The following ADAMTSL1 variants were observed in gnomAD, a reference collection of about 807,000 sequenced individuals.
ADAMTSL1 encodes the protein ADAMTS-like protein 1.
In ADAMTSL1, 126 loss-of-function variants were observed where a neutral mutation model predicts 201.8. That is an observed-to-expected ratio of 0.62 (90% CI 0.54 to 0.72). ADAMTSL1 has a LOEUF of 0.72. ADAMTSL1 is among the 30% of genes least tolerant of loss of function. ADAMTSL1 has a pLI of 0.00. For synonymous variants in ADAMTSL1, 1,121 were observed against 903.4 expected (o/e 1.24, Z -4.32); for missense variants, 2,679 against 2,277.8 (o/e 1.18, Z -3.59).
chr9:18,178,967 C>T (rs569286844), intron 2 of ADAMTSL1, among the ~76,000 whole-genome samples: 216 of 151,854 alleles, frequency 1.4e-3, no homozygotes, highest in African/African-American at 4.3e-3. Flanking sequence ...AAAAGCAGAG[C>T]GCCTCTCCTC....
chr9:18,035,062 C>G (rs573223013), intron 1 of ADAMTSL1, among the ~76,000 whole-genome samples: 2 of 152,186 alleles, frequency 1.3e-5, no homozygotes, highest in South Asian at 2.1e-4. Context: ...AGGACTTTTT[C>G]TATAAGAAGT....
chr9:18,255,355 GA>G (rs5896780), intron 2 of ADAMTSL1, among the ~76,000 whole-genome samples: 125 of 145,484 alleles, frequency 8.6e-4, no homozygotes, highest in South Asian at 4.1e-3. Context: ...CTCATACTTA[GA>G]AAAAAAAAAA....
rs577285114 is a variant in ADAMTSL1, at chr9:18,513,213, T to TG, written c.191+8258dup. 3.0e-3 allele frequency among the ~76,000 whole-genome samples: 453 copies of TG among 152,288 alleles called. 3 individuals are homozygous for TG. Among genetic ancestry groups the TG allele is most frequent in the Middle Eastern group, 6.8e-3 (2 of 294 alleles). On this transcript the variant is annotated intron_variant, in intron 2 of 28. Coordinates refer to ENST00000380548, the MANE Select transcript of ADAMTSL1 (RefSeq NM_001040272.6). Reference sequence around the variant, plus strand: ...AAATTTGAAGTGTTCTATACAGTATTGTTAACTACACCAGCAGTGCTGTGC... The same window carrying TG: ...AAATTTGAAGTGTTCTATACAGTATTGGTTAACTACACCAGCAGTGCTGTGC...
rs1333663453 is a variant in ADAMTSL1 at position 18,222,852 on chromosome 9, A to C, written c.207+58871A>C. 5.3e-5 allele frequency among the ~76,000 whole-genome samples: 8 copies of C among 151,892 alleles called. No homozygotes were observed. In the East Asian group the frequency reaches 1.2e-3, roughly 22 times the overall value. Reference sequence around the variant, plus strand: ...GGTAGACAATTCCAGGTTGATATTTATTTTATATTTTTACTTTCCAGACAT... The same window carrying C: ...GGTAGACAATTCCAGGTTGATATTTCTTTTATATTTTTACTTTCCAGACAT... On this transcript the variant is annotated intron_variant, in intron 2 of 29. Coordinates refer to the ADAMTSL1 transcript ENST00000680146.
At chr9:18,488,617 C>T (rs60561389) in intron 1 of ADAMTSL1, among the ~76,000 whole-genome samples, 2 of 152,090 alleles carry the variant, frequency 1.3e-5, no homozygotes, top group Non-Finnish European at 2.9e-5. Context: ...TGGCATGTAC[C>T]TCAAAGGATC....
At chr9:18,304,341 A>G (rs925365833) in intron 2 of ADAMTSL1, among the ~76,000 whole-genome samples, 3 of 121,900 alleles carry the variant, frequency 2.5e-5, no homozygotes, top group Admixed American at 1.5e-4. Flanking sequence ...TAGAGTTTTG[A>G]AAAAAAAAAT....
At chr9:18,653,846 T>G (rs1276770430) in intron 7 of ADAMTSL1, among the ~76,000 whole-genome samples, 1 of 152,252 alleles carries the variant, frequency 6.6e-6, no homozygotes, top group Admixed American at 6.5e-5. Context: ...CAACTGAATC[T>G]GTTTCATTCC....
chr9:18,455,342 A>C (rs1285517736), intron 2 of ADAMTSL1, among the ~76,000 whole-genome samples: 1 of 152,168 alleles, frequency 6.6e-6, no homozygotes, highest in East Asian at 1.9e-4. Context: ...AGAAATACAA[A>C]CAAAAACCAT....
intron 2 of ADAMTSL1, among the ~76,000 whole-genome samples, chr9:18,381,176 C>T (rs1175642513): frequency 6.6e-6 from 1 of 152,184 alleles, no homozygotes; most frequent in Non-Finnish European, 1.5e-5. Context: ...TTACATTGGA[C>T]TTTCCCTTTA....
intron 1 of ADAMTSL1, among the ~76,000 whole-genome samples, chr9:17,934,724 C>T (rs189918714): frequency 6.6e-6 from 1 of 152,070 alleles, no homozygotes; most frequent in East Asian, 1.9e-4. Flanking sequence ...TCAAATTTTC[C>T]CCACCTACCT....
At chr9:18,634,875 T>TA (rs1827008093) in intron 5 of ADAMTSL1, among the ~76,000 whole-genome samples, 1 of 123,954 alleles carries the variant, frequency 8.1e-6, no homozygotes, top group Non-Finnish European at 1.7e-5. Flanking sequence ...ATATATATAT[T>TA]TATATATATA....
intron 19 of ADAMTSL1, among the ~76,000 whole-genome samples, chr9:18,788,449 T>G (rs1473095127): frequency 1.3e-5 from 2 of 150,974 alleles, no homozygotes; most frequent in Non-Finnish European, 2.9e-5. Flanking sequence ...CCCGGTAGAT[T>G]CCTGGATGCT....
chr9:18,240,218 G>A (rs1171139655), intron 2 of ADAMTSL1, among the ~76,000 whole-genome samples: 3 of 152,096 alleles, frequency 2.0e-5, no homozygotes, highest in African/African-American at 7.2e-5. Context: ...TCCTTAATCC[G>A]TGGGCTACAG....
intron 19 of ADAMTSL1, among the ~76,000 whole-genome samples, chr9:18,794,277 T>C (rs1822231244): frequency 6.6e-6 from 1 of 151,926 alleles, no homozygotes; most frequent in South Asian, 2.1e-4. Context: ...GGAATGGTAG[T>C]GCACCCCTGT....
intron 1 of ADAMTSL1, among the ~76,000 whole-genome samples, chr9:18,078,718 C>T (rs1409080080): frequency 6.6e-6 from 1 of 152,094 alleles, no homozygotes. Flanking sequence ...CTCTGGTTAC[C>T]ACTCCCTTCT....
At chr9:18,661,505 T>A (rs1829091176) in intron 8 of ADAMTSL1, among the ~76,000 whole-genome samples, 1 of 152,150 alleles carries the variant, frequency 6.6e-6, no homozygotes, top group Non-Finnish European at 1.5e-5. Flanking sequence ...TTTATTTTGT[T>A]TATCTATTTG....
intron 1 of ADAMTSL1, among the ~76,000 whole-genome samples, chr9:18,129,396 C>T (rs1277499951): frequency 6.6e-6 from 1 of 152,142 alleles, no homozygotes; most frequent in African/African-American, 2.4e-5. Flanking sequence ...ATGGTTCTTT[C>T]AAGGTCACAT....
At chr9:18,057,935 T>C (rs1255272916) in intron 1 of ADAMTSL1, among the ~76,000 whole-genome samples, 3 of 152,230 alleles carry the variant, frequency 2.0e-5, no homozygotes, top group Non-Finnish European at 4.4e-5. Context: ...AGAGCACTTA[T>C]CTCAACTGTG....
At chr9:18,551,370 T>G (rs1260437597) in intron 3 of ADAMTSL1, among the ~76,000 whole-genome samples, 1 of 151,936 alleles carries the variant, frequency 6.6e-6, no homozygotes, top group Non-Finnish European at 1.5e-5. Flanking sequence ...ATTTTATTTC[T>G]TATATAATTC....
Sources: gnomAD v4.1 joint callset for allele counts (sites outside exome capture counted in the v4.1 genomes callset) on GRCh38, gnomAD v4.1.1 for gene constraint, MANE v1.5 for transcripts, NCBI Gene and HGNC (gene_info 2026-07-23, HGNC 2026-07-21) for gene names.